ASAP3: variants seen among roughly 807,000 people sequenced by gnomAD.
The protein encoded by ASAP3 is ArfGAP with SH3 domain, ankyrin repeat and PH domain 3.
ASAP3 carries 85 observed loss-of-function variants against 118.2 expected under a neutral mutation model. The observed-to-expected ratio is 0.72, with a 90% CI of 0.60 to 0.86. ASAP3 has a LOEUF of 0.86. Among genes scored for constraint, ASAP3 ranks in the 40% least tolerant of loss-of-function variants. The probability of loss-of-function intolerance (pLI) is 0.00; values close to 1 mark genes in which losing one functional copy is unlikely to be tolerated. For synonymous variants in ASAP3, 432 were observed against 477.4 expected, an observed-to-expected ratio of 0.90 and a Z score of 1.24; for missense variants, 1,026 against 1,175.0, an observed-to-expected ratio of 0.87 and a Z score of 1.85.
At chr1:23,483,956 G>T in intron 1 of ASAP3, 49 bp downstream of exon 1, 1 of 1,247,440 alleles carries the variant, frequency 8.0e-7, no homozygotes, top group Non-Finnish European at 1.0e-6. Context: ...TGGAGGTCAA[G>T]GCCAGGCCCG....
chr1:23,439,035 G>A, intron 11 of ASAP3, 126 bp downstream of exon 11: 1 of 1,263,938 alleles, frequency 7.9e-7, no homozygotes, highest in East Asian at 2.4e-5. Flanking sequence ...TCCCAAACGG[G>A]TCTCCAGCTC....
At chr1:23,468,991 C>G (rs1466885223) in intron 1 of ASAP3, among the ~76,000 whole-genome samples, 3 of 150,052 alleles carry the variant, frequency 2.0e-5, no homozygotes, top group Non-Finnish European at 4.4e-5. Flanking sequence ...CTTCTCACTT[C>G]TAGATCCAAT....
intron 17 of ASAP3, 90 bp downstream of exon 17, chr1:23,435,761 G>C: frequency 1.4e-6 from 2 of 1,420,844 alleles, no homozygotes; most frequent in Non-Finnish European, 2.0e-6. Flanking sequence ...GTCAGAGGTG[G>C]GGTGGAGGGG....
rs1005147840 is a variant in ASAP3 at position 23,428,580 on chromosome 1, T to G, written c.*1276A>C. ...CCACTGGAAACTGACCCCCCAATCC[T>G]TTATTAGAGATGAGTGAAATAACAA... is the stretch of plus-strand genomic sequence containing the variant. On this transcript the variant is annotated 3_prime_UTR_variant, in exon 25 of 25. Transcript: ENST00000336689. 5 of 152,214 alleles carry G rather than the reference T, an allele frequency of 3.3e-5. No individual in the cohort carries two copies. The highest frequency in any genetic ancestry group is 7.3e-5 in the Non-Finnish European group (5 of 68,040). The allele number at this position is 152,214 out of a possible 1,614,324, so 9.4% of individuals were successfully genotyped here. A position where few individuals can be genotyped will look rare whatever the true frequency, so the allele number is the denominator to read the frequency against.
At chr1:23,471,251 C>G (rs370206896) in intron 1 of ASAP3, among the ~76,000 whole-genome samples, 1 of 152,202 alleles carries the variant, frequency 6.6e-6, no homozygotes, top group African/African-American at 2.4e-5. Context: ...CCCATTCTGT[C>G]TAGTAAACAC....
Position 23,431,814 on chromosome 1 carries a change from C to T in ASAP3, c.2428G>A (p.Asp810Asn). 1 of 1,560,548 alleles carries T rather than the reference C, an allele frequency of 6.4e-7. No homozygotes were observed. Among genetic ancestry groups the T allele is most frequent in the Non-Finnish European group, 8.6e-7 (1 of 1,160,100 alleles). ...SSLMSPLEPG[D>N]PSQAPPNSEE... ...GAGTTGGGTGGGGCTTGGCTGGGAT[C>T]CCCAGGTTCCAAGGGGCTCATCAGA... The change falls in exon 23 of 25, where the codon GAT (aspartate) becomes AAT (asparagine). Residue 810 changes from aspartate (D) to asparagine (N), a missense_variant. Transcript: ENST00000336689.
chr1:23,437,537 GC>G lies in ASAP3; in HGVS notation c.1103-66del. On this transcript the variant is annotated intron_variant, in intron 12 of 24. Coordinates refer to ENST00000336689, the MANE Select transcript of ASAP3 (RefSeq NM_017707.4). This position sits in a 1 kb window ranked among gnomAD's most constrained non-coding sequence, Gnocchi z 6.1. ...TGCTGGCCTTCCCGGAGCCCAGGGA[GC>G]CCCCACCAAAGCCGCTGGGGCCACA... 6.3e-7 allele frequency: 1 copy of G among 1,597,814 alleles called. No individual in the cohort carries two copies. The highest frequency in any genetic ancestry group is 8.5e-7 in the Non-Finnish European group (1 of 1,169,842).
intron 1 of ASAP3, among the ~76,000 whole-genome samples, chr1:23,463,000 A>G (rs1641646088): frequency 6.6e-6 from 1 of 152,164 alleles, no homozygotes; most frequent in South Asian, 2.1e-4. Flanking sequence ...AGACTACACT[A>G]TGAGGTAGAG....
At chr1:23,462,732 C>G (rs960897241) in intron 1 of ASAP3, among the ~76,000 whole-genome samples, 4 of 152,110 alleles carry the variant, frequency 2.6e-5, no homozygotes, top group African/African-American at 9.7e-5. Flanking sequence ...GCACCCCAGC[C>G]AGGAGGGCAG....
chr1:23,470,367 G>A (rs138005444), intron 1 of ASAP3, among the ~76,000 whole-genome samples: 19 of 152,308 alleles, frequency 1.2e-4, no homozygotes, highest in African/African-American at 4.6e-4. Flanking sequence ...GGCAGAAGGG[G>A]GTGCCAGAGG....
At position 23,437,574 on chromosome 1, in the gene ASAP3, T is replaced by C. The variant is rs1316073140; in HGVS notation, c.1103-102A>G. The C allele has an allele frequency of 2.8e-5, 40 of 1,412,016 alleles. No individual in the cohort carries two copies. Among genetic ancestry groups the C allele is most frequent in the Non-Finnish European group, 3.7e-5 (38 of 1,023,464 alleles). 87.5% of individuals were successfully genotyped at this position (1,412,016 alleles called of 1,614,324 possible). On this transcript the variant is annotated intron_variant, in intron 12 of 24. Transcript: ENST00000336689. The surrounding 1 kb of genome is among the most constrained non-coding windows in gnomAD (Gnocchi z 6.1). ...GCCGCTGGGGCCACATGGAGATGTGTCCCTGACAAGTCGGACTCTCAAGCT... is the reference window on the plus strand; with the variant it reads ...GCCGCTGGGGCCACATGGAGATGTGCCCCTGACAAGTCGGACTCTCAAGCT...
chr1:23,470,079 T>G (rs1239474052), intron 1 of ASAP3, among the ~76,000 whole-genome samples: 2 of 152,166 alleles, frequency 1.3e-5, no homozygotes, highest in African/African-American at 2.4e-5. Context: ...AACTGGAAAG[T>G]GCTGAATTTT....
rs1304820976 is a variant in ASAP3 at position 23,436,432 on chromosome 1, G to A, written c.1571+128C>T. 7.9e-6 allele frequency: 8 copies of A among 1,018,314 alleles called. No individual in the cohort carries two copies. Among genetic ancestry groups the A allele is most frequent in the East Asian group, 2.5e-5 (1 of 39,490 alleles). 63.1% of individuals were successfully genotyped at this position (1,018,314 alleles called of 1,614,324 possible). On this transcript the variant is annotated intron_variant, in intron 16 of 24. Transcript: ENST00000336689. The surrounding 1 kb of genome is among the most constrained non-coding windows in gnomAD (Gnocchi z 4.2). ...CCCGCCTTGGCCTCCCAAAGTGCTG[G>A]GATTACAGGCGTGAGCCACTGCGCC...
At chr1:23,455,019 GC>G (rs1490127590) in intron 3 of ASAP3, among the ~76,000 whole-genome samples, 2 of 152,194 alleles carry the variant, frequency 1.3e-5, no homozygotes, top group Non-Finnish European at 2.9e-5. Context: ...TAGGACTGGA[GC>G]CACAAGAGCT....
intron 1 of ASAP3, among the ~76,000 whole-genome samples, chr1:23,457,977 G>C (rs951284290): frequency 3.3e-5 from 5 of 152,214 alleles, no homozygotes; most frequent in Non-Finnish European, 7.3e-5. Context: ...AACAGCACCT[G>C]TGATCGTTAT....
In ASAP3 at chr1:23,438,690, T is replaced by C; in HGVS notation, c.1102+57A>G. On this transcript the variant is annotated intron_variant, in intron 12 of 24. Transcript: ENST00000336689. The surrounding 1 kb of genome is among the most constrained non-coding windows in gnomAD (Gnocchi z 4.9). ...CTGAAGCCCCCCGGGAGCTGACAGG[T>C]GTCTTAGAGAAGCCCTGAGCAGCTG... is the stretch of plus-strand genomic sequence containing the variant. 6.6e-7 allele frequency: 1 copy of C among 1,523,234 alleles called. No homozygotes were observed. The highest frequency in any genetic ancestry group is 1.1e-5 in the South Asian group (1 of 88,596). 94.4% of individuals were successfully genotyped at this position (1,523,234 alleles called of 1,614,324 possible). A position where few individuals can be genotyped will look rare whatever the true frequency, so the allele number is the denominator to read the frequency against.
In ASAP3 at chr1:23,436,854, T is replaced by G; in HGVS notation, c.1476+57A>C. 2 of 1,578,786 alleles carry G rather than the reference T, an allele frequency of 1.3e-6. No individual in the cohort carries two copies. Among genetic ancestry groups the G allele is most frequent in the Non-Finnish European group, 8.6e-7 (1 of 1,161,974 alleles). On this transcript the variant is annotated intron_variant, in intron 15 of 24. Coordinates refer to ENST00000336689, the MANE Select transcript of ASAP3 (RefSeq NM_017707.4). This position sits in a 1 kb window ranked among gnomAD's most constrained non-coding sequence, Gnocchi z 4.2. The stretch of plus-strand genomic sequence containing the variant: ...ACAACCTGCAAGCCCCGCCCCCGGA[T>G]GAAACTACACCCCTAACTCCGCTTC...
chr1:23,436,749 G>T lies in ASAP3; in HGVS notation c.1477-95C>A. 4 of 1,554,702 alleles carry T rather than the reference G, an allele frequency of 2.6e-6. No homozygotes were observed. In the South Asian group the frequency reaches 4.6e-5, roughly 18 times the overall value. ...CCAAGCCCCCAGAGTCCCGCCCCTC[G>T]GCCGCCCTCCCGGTTCAGGCCCCGC... On this transcript the variant is annotated intron_variant, in intron 15 of 24. Coordinates refer to ENST00000336689, the MANE Select transcript of ASAP3 (RefSeq NM_017707.4). The surrounding 1 kb of genome is among the most constrained non-coding windows in gnomAD (Gnocchi z 4.2).
intron 1 of ASAP3, among the ~76,000 whole-genome samples, chr1:23,466,581 A>G (rs1641776662): frequency 6.6e-6 from 1 of 152,158 alleles, no homozygotes; most frequent in Non-Finnish European, 1.5e-5. Flanking sequence ...GCAAAAGACC[A>G]CAGATGGCAG....
Sources: gnomAD v4.1 joint callset for allele counts (sites outside exome capture counted in the v4.1 genomes callset) on GRCh38, gnomAD v4.1.1 for gene constraint, Gnocchi (gnomAD v3.1) non-coding constraint, MANE v1.5 for transcripts, NCBI Gene and HGNC (gene_info 2026-07-23, HGNC 2026-07-21) for gene names.